SPON1: variants seen among roughly 807,000 people sequenced by gnomAD.
SPON1 encodes the protein spondin 1, also known as spondin-1.
SPON1 carries 52 observed loss-of-function variants against 111.7 expected under a neutral mutation model. The observed-to-expected ratio is 0.47, with a 90% confidence interval of 0.37 to 0.59. The LOEUF is 0.59. Among genes scored for constraint, SPON1 ranks in the 20% least tolerant of loss-of-function variants. SPON1 has a pLI of 0.00. For missense variants in SPON1, 957 were observed against 1,068.5 expected (o/e 0.90, Z 1.46); for synonymous variants, 410 against 395.8 (o/e 1.04, Z -0.43).
chr11:14,172,597 T>C (rs1463315177), intron 6 of SPON1, among the ~76,000 whole-genome samples: 7 of 152,042 alleles, frequency 4.6e-5, no homozygotes, highest in Non-Finnish European at 1.0e-4. Context: ...TCGATGGTCT[T>C]TACAATTTGG....
chr11:14,104,361 G>T (rs1419600044), intron 5 of SPON1, among the ~76,000 whole-genome samples: 2 of 149,848 alleles, frequency 1.3e-5, no homozygotes, highest in Non-Finnish European at 1.5e-5. Context: ...GATGTTCTTT[G>T]GTATTATATA....
chr11:14,080,749 G>GCATGCC (rs1269169426), intron 5 of SPON1, among the ~76,000 whole-genome samples: 2 of 152,136 alleles, frequency 1.3e-5, no homozygotes, highest in East Asian at 3.8e-4. Flanking sequence ...TAATTAGTCA[G>GCATGCC]CATGCCTTTT....
At chr11:14,162,828 G>A (rs190306328) in intron 6 of SPON1, among the ~76,000 whole-genome samples, 6 of 152,302 alleles carry the variant, frequency 3.9e-5, no homozygotes, top group South Asian at 2.1e-4. Flanking sequence ...CTGCCACAGC[G>A]GAGAGTGGGC....
intron 6 of SPON1, among the ~76,000 whole-genome samples, chr11:14,161,979 C>G (rs1048500476): frequency 1.3e-5 from 2 of 151,660 alleles, no homozygotes; most frequent in Non-Finnish European, 2.9e-5. Context: ...CATGGCAAAA[C>G]CCCATCTCTA....
intron 5 of SPON1, among the ~76,000 whole-genome samples, chr11:14,089,949 G>A (rs541207965): frequency 2.0e-5 from 3 of 152,064 alleles, no homozygotes; most frequent in Admixed American, 6.6e-5. Context: ...TAGCACTGTC[G>A]GGGAAAACTG....
At chr11:14,161,211 A>ATATATATCTATATATATTTATATATC (rs1847953970) in intron 6 of SPON1, among the ~76,000 whole-genome samples, 2 of 59,036 alleles carry the variant, frequency 3.4e-5, no homozygotes, top group African/African-American at 1.4e-4. Flanking sequence ...TTATATATTT[A>ATATATATCTATATATATTTATATATC]TATATATCTA....
At chr11:14,078,422 C>T (rs550939117) in intron 4 of SPON1, among the ~76,000 whole-genome samples, 12 of 152,108 alleles carry the variant, frequency 7.9e-5, no homozygotes, top group South Asian at 2.1e-4. Flanking sequence ...CAGCATGTAT[C>T]TCTGATTTAG....
chr11:14,008,541 G>A (rs555806542), intron 2 of SPON1, among the ~76,000 whole-genome samples: 34 of 152,152 alleles, frequency 2.2e-4, no homozygotes, highest in African/African-American at 7.5e-4. Context: ...TTCTCTATGG[G>A]GGGAAAAGAA....
intron 2 of SPON1, among the ~76,000 whole-genome samples, chr11:14,036,820 G>A (rs1438646733): frequency 6.6e-6 from 1 of 152,074 alleles, no homozygotes; most frequent in African/African-American, 2.4e-5. Context: ...GGGAAGTTGG[G>A]GGAGGGCACC....
intron 7 of SPON1, among the ~76,000 whole-genome samples, chr11:14,251,269 C>T (rs1849050100): frequency 6.6e-6 from 1 of 152,188 alleles, no homozygotes; most frequent in Non-Finnish European, 1.5e-5. Flanking sequence ...TACTCTATCA[C>T]CCAAGATAAG....
chr11:14,261,021 C>T (rs1210522993), intron 14 of SPON1, among the ~76,000 whole-genome samples: 2 of 152,160 alleles, frequency 1.3e-5, no homozygotes, highest in African/African-American at 4.8e-5. Context: ...CAGCACAAAG[C>T]TCAATAAACC....
chr11:14,146,751 A>C (rs1440599375), intron 6 of SPON1, among the ~76,000 whole-genome samples: 3 of 152,230 alleles, frequency 2.0e-5, no homozygotes, highest in Non-Finnish European at 4.4e-5. Flanking sequence ...TAGAGAGTGA[A>C]TACACAGATC....
At chr11:14,204,849 T>C (rs1848500808) in intron 6 of SPON1, among the ~76,000 whole-genome samples, 1 of 151,986 alleles carries the variant, frequency 6.6e-6, no homozygotes, top group African/African-American at 2.4e-5. Context: ...CACCCCCGGC[T>C]AATTTTTTTT....
intron 6 of SPON1, among the ~76,000 whole-genome samples, chr11:14,217,877 A>G (rs1010375701): frequency 7.2e-5 from 11 of 152,200 alleles, no homozygotes; most frequent in African/African-American, 2.4e-4. Context: ...AACCCTTACT[A>G]TGTGGCAGAC....
chr11:14,250,322 A>AT (rs1212976688), intron 7 of SPON1, among the ~76,000 whole-genome samples: 3 of 138,108 alleles, frequency 2.2e-5, no homozygotes, highest in East Asian at 2.2e-4. Flanking sequence ...TGAAAGCTTT[A>AT]TTTTTTTCTA....
intron 3 of SPON1, among the ~76,000 whole-genome samples, chr11:14,057,566 T>C (rs1426627039): frequency 6.6e-6 from 1 of 152,166 alleles, no homozygotes; most frequent in African/African-American, 2.4e-5. Context: ...AGAATATCTT[T>C]GCAAGAATTA....
At chr11:14,255,847 G>A in intron 9 of SPON1, 60 bp downstream of exon 9, 1 of 1,563,460 alleles carries the variant, frequency 6.4e-7, no homozygotes, top group Non-Finnish European at 8.7e-7. Context: ...CAGGGAGATT[G>A]TACACCCTTC....
rs1043790599 is a variant in SPON1 at position 14,110,729 on chromosome 11, G to A, written c.677-24691G>A. On this transcript the variant is annotated intron_variant, in intron 5 of 15. Transcript: ENST00000576479. ...ATGTCCAAAGGCAGGAGGAGAGGAC[G>A]AGTCTTCCTCTCCCAGTCCACTGGC... 9.8e-5 allele frequency among the ~76,000 whole-genome samples: 15 copies of A among 152,324 alleles called. 1 individual carries two copies. Among genetic ancestry groups the A allele is most frequent in the Admixed American group, 5.9e-4 (9 of 15,310 alleles).
In SPON1 at chr11:14,098,373, A is replaced by G. The variant is rs190326081; in HGVS notation, c.676+18352A>G. On this transcript the variant is annotated intron_variant, in intron 5 of 15. Coordinates refer to ENST00000576479, the MANE Select transcript of SPON1 (RefSeq NM_006108.4). ...ATCTCTTTTGTGGAGTATTATAATT[A>G]CTAGTTTTCAATTTGCTAGACTATT... Among the ~76,000 whole-genome samples, 17 of 152,350 alleles carry G rather than the reference A, an allele frequency of 1.1e-4. 1 individual carries two copies. Among genetic ancestry groups the G allele is most frequent in the African/African-American group, 3.8e-4 (16 of 41,588 alleles).
Sources: gnomAD v4.1 joint callset for allele counts (sites outside exome capture counted in the v4.1 genomes callset) on GRCh38, gnomAD v4.1.1 for gene constraint, MANE v1.5 for transcripts, NCBI Gene and HGNC (gene_info 2026-07-23, HGNC 2026-07-21) for gene names.